RBFOX2: variants seen among roughly 807,000 people sequenced by gnomAD.
The protein encoded by RBFOX2 is RNA binding fox-1 homolog 2.
RBFOX2 carries 10 observed loss-of-function variants against 49.1 expected under a neutral mutation model. That is an observed-to-expected ratio of 0.20 (90% CI 0.13 to 0.35). The LOEUF (loss-of-function observed/expected upper bound fraction) is 0.35. Ranked by LOEUF, RBFOX2 falls within the 10% of genes least tolerant of loss-of-function variation. The pLI is 1.00. For missense variants in RBFOX2, 323 were observed against 486.9 expected (o/e 0.66, Z 3.17); for synonymous variants, 183 against 187.4 (o/e 0.98, Z 0.19).
chr22:35,930,387 A>G (rs949957843), intron 1 of RBFOX2, among the ~76,000 whole-genome samples: 1 of 152,152 alleles, frequency 6.6e-6, no homozygotes, highest in Admixed American at 6.5e-5. Context: ...AGTAACTCCA[A>G]GGGAAACAAA....
At chr22:35,789,403 C>T (rs369529869) in intron 2 of RBFOX2, among the ~76,000 whole-genome samples, 2 of 151,822 alleles carry the variant, frequency 1.3e-5, no homozygotes, top group Non-Finnish European at 2.9e-5. Flanking sequence ...ATTAGTTGGG[C>T]GTGGTGGTGC....
intron 1 of RBFOX2, among the ~76,000 whole-genome samples, chr22:35,838,817 C>G (rs1420557564): frequency 6.6e-6 from 1 of 152,182 alleles, no homozygotes; most frequent in Admixed American, 6.5e-5. Flanking sequence ...TTGAAATTTT[C>G]TAAACTCAGA....
rs557729618 is a variant in RBFOX2, at chr22:35,973,955, A to G, written c.187-35058T>C. ...AGACTTCAAACACATTCGGAGAGAA[A>G]TTAAGACTACATGAGGTGGGGTTCC... On this transcript the variant is annotated intron_variant, in intron 1 of 13. Transcript: ENST00000438146. 1.6e-4 allele frequency among the ~76,000 whole-genome samples: 24 copies of G among 152,302 alleles called. 1 individual carries two copies. In the South Asian group the frequency reaches 3.5e-3, roughly 22 times the overall value.
chr22:35,826,440 C>T (rs140213475), intron 1 of RBFOX2, among the ~76,000 whole-genome samples: 21 of 151,468 alleles, frequency 1.4e-4, no homozygotes, highest in Admixed American at 1.3e-3. Flanking sequence ...AATATAAATG[C>T]TAACAGCTGA....
intron 4 of RBFOX2, 34 bp downstream of exon 5, chr22:35,777,991 A>G (rs1441772042): frequency 6.4e-7 from 1 of 1,566,556 alleles, no homozygotes; most frequent in Non-Finnish European, 8.7e-7. Context: ...CTCAAAAAGA[A>G]ATCAAGCACA....
intron 1 of RBFOX2, among the ~76,000 whole-genome samples, chr22:35,815,072 C>T (rs1203626012): frequency 6.6e-6 from 1 of 152,202 alleles, no homozygotes; most frequent in Non-Finnish European, 1.5e-5. Flanking sequence ...CCACAGCAAT[C>T]TCAGAGGTTC....
At position 35,970,504 on chromosome 22, in the gene RBFOX2, C is replaced by T. The variant is rs151223387; in HGVS notation, c.187-31607G>A. 5.5e-4 allele frequency among the ~76,000 whole-genome samples: 83 copies of T among 151,030 alleles called. 1 individual carries two copies. The East Asian group carries it at 0.015, about 28-fold the overall frequency. On this transcript the variant is annotated intron_variant, in intron 1 of 13. Coordinates refer to the RBFOX2 transcript ENST00000438146. ...CTCAAAAAAAAAAAAAACACACACA[C>T]TCTTCAATTAACCAGGCATGCTGGC... is the stretch of plus-strand genomic sequence containing the variant.
intron 1 of RBFOX2, among the ~76,000 whole-genome samples, chr22:35,982,842 A>G (rs1057135011): frequency 1.3e-5 from 2 of 151,998 alleles, no homozygotes; most frequent in Non-Finnish European, 2.9e-5. Context: ...TTATGTCCCA[A>G]AAGCAAAACA....
chr22:36,002,359 G>A (rs946446047), intron 1 of RBFOX2, among the ~76,000 whole-genome samples: 9 of 151,936 alleles, frequency 5.9e-5, no homozygotes, highest in African/African-American at 2.2e-4. Context: ...CGAGCAATAG[G>A]ACATGTTTAA....
At chr22:35,761,945 G>A (rs1403974919) in intron 6 of RBFOX2, among the ~76,000 whole-genome samples, 1 of 152,130 alleles carries the variant, frequency 6.6e-6, no homozygotes, top group African/African-American at 2.4e-5. Flanking sequence ...TTGACTCCAT[G>A]TTTGGCTATA....
At chr22:35,805,474 C>A (rs895301293) in intron 2 of RBFOX2, among the ~76,000 whole-genome samples, 1 of 152,032 alleles carries the variant, frequency 6.6e-6, no homozygotes, top group Admixed American at 6.5e-5. Context: ...AATCCAGACA[C>A]CAAATGCTGG....
At chr22:35,933,174 T>C (rs1349537677) in intron 1 of RBFOX2, among the ~76,000 whole-genome samples, 1 of 152,200 alleles carries the variant, frequency 6.6e-6, no homozygotes, top group Middle Eastern at 3.2e-3. Flanking sequence ...TTACTACCTA[T>C]ATAACTAAGA....
Position 35,931,023 on chromosome 22 carries a change from A to T in RBFOX2, c.-34+7824T>A, listed in dbSNP as rs573656598. On this transcript the variant is annotated intron_variant, in intron 1 of 13. Transcript: ENST00000359369. ...AGATTTTTAACTGTTTGAAGAATGA[A>T]ATGATCTAAAATGTAATAGTAAAGC... is the stretch of plus-strand genomic sequence containing the variant. Among the ~76,000 whole-genome samples the T allele has an allele frequency of 2.0e-5, 3 of 152,284 alleles. No individual in the cohort carries two copies. The South Asian group carries it at 6.2e-4, about 32-fold the overall frequency.
rs200659894 is a variant in RBFOX2 at position 35,822,710 on chromosome 22, AC to A, written c.28-12707del. On this transcript the variant is annotated intron_variant, in intron 1 of 11. Coordinates refer to ENST00000405409, the Ensembl canonical transcript of RBFOX2. ...CCCTCTCCATCCCCCTAAATATGAG[AC>A]TAAAGGAAGAGGTGCCAATATCTAA... The A allele has an allele frequency of 1.0e-4, 39 of 383,388 alleles. No individual in the cohort carries two copies. The East Asian group carries it at 2.0e-3, about 19-fold the overall frequency. The allele number at this position is 383,388 out of a possible 1,614,324, so 23.7% of individuals were successfully genotyped here.
chr22:35,983,295 G>A (rs915593439), intron 1 of RBFOX2, among the ~76,000 whole-genome samples: 4 of 152,014 alleles, frequency 2.6e-5, no homozygotes, highest in East Asian at 1.9e-4. Context: ...GCTACTACCC[G>A]CCCCCTACCA....
At chr22:35,957,064 G>C (rs1205206018) in intron 1 of RBFOX2, among the ~76,000 whole-genome samples, 1 of 152,168 alleles carries the variant, frequency 6.6e-6, no homozygotes, top group Non-Finnish European at 1.5e-5. Flanking sequence ...TGTCACAGTA[G>C]CATGTGTAGT....
intron 1 of RBFOX2, among the ~76,000 whole-genome samples, chr22:36,002,588 A>ATGCT (rs1235953847): frequency 1.3e-5 from 2 of 152,220 alleles, no homozygotes; most frequent in Non-Finnish European, 2.9e-5. Flanking sequence ...GAAACTACTA[A>ATGCT]TGCTTCTATC....
chr22:35,954,502 G>C (rs1301539077), intron 1 of RBFOX2, among the ~76,000 whole-genome samples: 1 of 152,140 alleles, frequency 6.6e-6, no homozygotes, highest in Non-Finnish European at 1.5e-5. Context: ...CTCTTGGCTG[G>C]TCCAGCTAAG....
chr22:35,823,022 C>G (rs1304998841), intron 1 of RBFOX2, among the ~76,000 whole-genome samples: 1 of 152,126 alleles, frequency 6.6e-6, no homozygotes, highest in Non-Finnish European at 1.5e-5. Context: ...CAGGGTTTCA[C>G]CATGTTGGCC....
Sources: allele counts gnomAD v4.1 joint callset (sites outside exome capture counted in the v4.1 genomes callset), GRCh38; gene constraint gnomAD v4.1.1; transcripts MANE v1.5; gene names NCBI Gene and HGNC (gene_info 2026-07-23, HGNC 2026-07-21).